MIA3: variants seen among roughly 807,000 people sequenced by gnomAD.
MIA3 encodes transport and Golgi organization protein 1 homolog.
MIA3 carries 90 observed loss-of-function variants against 192.4 expected under a neutral mutation model. The ratio of observed to expected loss-of-function variants is 0.47; its 90% CI spans 0.39 to 0.56. The LOEUF is 0.56. MIA3 is among the 20% of genes least tolerant of loss of function. MIA3 has a pLI of 0.00. For missense variants in MIA3, 2,123 were observed against 2,269.4 expected (o/e 0.94, Z 1.31); for synonymous variants, 740 against 792.8 (o/e 0.93, Z 1.12).
chr1:222,628,366 C>T lies in MIA3; in HGVS notation c.1146C>T (p.Thr382=). The change falls in exon 4 of 28, where the codon ACC becomes ACT. Residue 382 remains threonine (T), a synonymous_variant. Coordinates refer to ENST00000344922, the MANE Select transcript of MIA3 (RefSeq NM_198551.4). ...ATGATGATAAAAATATACTAACAAC[C>T]TGGGGGGACACTATCTTCTCTATTG... ...IKNDDKNILT[T]WGDTIFSIVT... is the part of the protein sequence containing the mutation. 2 of 1,613,892 alleles carry T rather than the reference C, an allele frequency of 1.2e-6. No homozygotes were observed. Among genetic ancestry groups the T allele is most frequent in the Non-Finnish European group, 1.7e-6 (2 of 1,179,950 alleles).
chr1:222,640,735 A>G (rs2124876001), intron 6 of MIA3, among the ~76,000 whole-genome samples: 1 of 152,354 alleles, frequency 6.6e-6, no homozygotes, highest in Admixed American at 6.5e-5. Context: ...AGTATGATTC[A>G]TAAAGGAGAA....
At chr1:222,649,559 A>C (rs1382061571) in intron 8 of MIA3, 1 of 152,570 alleles carries the variant, frequency 6.6e-6, no homozygotes, top group African/African-American at 2.4e-5. Flanking sequence ...TGAGCTCAGG[A>C]GTTCGAGACC....
Position 222,628,866 on chromosome 1 carries a change from T to C in MIA3, c.1646T>C (p.Ile549Thr). 6.2e-7 allele frequency: 1 copy of C among 1,614,052 alleles called. No individual in the cohort carries two copies. Among genetic ancestry groups the C allele is most frequent in the South Asian group, 1.1e-5 (1 of 91,074 alleles). Residue 549 changes from isoleucine to threonine, a missense_variant, in exon 4 of 28, where the codon ATT becomes ACT. Coordinates refer to ENST00000344922, the MANE Select transcript of MIA3 (RefSeq NM_198551.4). ...MLHEEKPGEQ[I>T]LEGGSESESA... Reference sequence around the variant, plus strand: ...CACGAAGAAAAGCCTGGAGAGCAGATTTTGGAAGGTGGCTCAGAGAGTGAA... The same window carrying C: ...CACGAAGAAAAGCCTGGAGAGCAGACTTTGGAAGGTGGCTCAGAGAGTGAA...
chr1:222,621,440 C>G, intron 2 of MIA3, 148 bp downstream of exon 2: 1 of 759,282 alleles, frequency 1.3e-6, no homozygotes, highest in Non-Finnish European at 2.1e-6. Flanking sequence ...CCCTGTGTCC[C>G]CAGCAGGCCT....
intron 1 of MIA3, among the ~76,000 whole-genome samples, chr1:222,619,054 C>G (rs1048972876): frequency 5.9e-5 from 9 of 152,200 alleles, no homozygotes; most frequent in Non-Finnish European, 1.3e-4. Flanking sequence ...CGGCAGCCTC[C>G]TCTTCTGTGC....
chr1:222,623,085 C>G (rs1245017531), intron 2 of MIA3, among the ~76,000 whole-genome samples: 1 of 152,138 alleles, frequency 6.6e-6, no homozygotes, highest in East Asian at 1.9e-4. Context: ...TCAGTATTTC[C>G]TGACGAGGCA....
At chr1:222,655,953 CTT>C (rs1329620410) in intron 18 of MIA3, among the ~76,000 whole-genome samples, 12 of 119,772 alleles carry the variant, frequency 1.0e-4, no homozygotes, top group Admixed American at 2.7e-4. Flanking sequence ...TATCTCCAGA[CTT>C]TCTTTCCCTT....
chr1:222,648,910 G>T, intron 8 of MIA3, 60 bp downstream of exon 8: 2 of 1,073,270 alleles, frequency 1.9e-6, no homozygotes, highest in South Asian at 1.5e-5. Flanking sequence ...GTTTGATATG[G>T]ATTTTATATA....
intron 6 of MIA3, among the ~76,000 whole-genome samples, chr1:222,636,613 A>G (rs2124866862): frequency 6.7e-6 from 1 of 150,164 alleles, no homozygotes; most frequent in East Asian, 2.0e-4. Flanking sequence ...CCCGGGTTCA[A>G]GCGATTCTCC....
Position 222,628,741 on chromosome 1 carries a change from G to GCCAGCTGC in MIA3, c.1522_1529dup (p.Glu511GlnfsTer10), listed in dbSNP as rs1558175335. 1 of 1,614,100 alleles carries GCCAGCTGC rather than the reference G, an allele frequency of 6.2e-7. No homozygotes were observed. Among genetic ancestry groups the GCCAGCTGC allele is most frequent in the East Asian group, 2.2e-5 (1 of 44,888 alleles). On this transcript the variant is annotated frameshift_variant, in exon 4 of 28. Coordinates refer to ENST00000344922, the MANE Select transcript of MIA3 (RefSeq NM_198551.4). LOFTEE classifies it high-confidence loss of function. Reference sequence around the variant, plus strand: ...TTCACAGCAATAACCTCAACTCTATGCCAGCTGCTGAAAAGGGTAAAGACA... The same window carrying GCCAGCTGC: ...TTCACAGCAATAACCTCAACTCTATGCCAGCTGCCCAGCTGCTGAAAAGGGTAAAGACA...
At chr1:222,647,928 A>G in intron 7 of MIA3, 1 of 385,658 alleles carries the variant, frequency 2.6e-6, no homozygotes, top group Non-Finnish European at 5.4e-6. Flanking sequence ...TATATTAATT[A>G]TTGTATACAG....
chr1:222,630,501 G>A (rs1329860057), intron 4 of MIA3, 112 bp downstream of exon 4: 9 of 1,095,036 alleles, frequency 8.2e-6, no homozygotes, highest in African/African-American at 1.6e-5. Flanking sequence ...CTAAAGGAGA[G>A]GGACAACACA....
At chr1:222,630,824 G>C (rs953613902) in intron 4 of MIA3, among the ~76,000 whole-genome samples, 3 of 152,112 alleles carry the variant, frequency 2.0e-5, no homozygotes, top group Admixed American at 2.0e-4. Context: ...TTTATCTTTT[G>C]TGGATGGCTT....
At position 222,630,473 on chromosome 1, in the gene MIA3, G is replaced by T. The variant is rs550491525; in HGVS notation, c.3169+84G>T. 149 of 1,403,116 alleles carry T rather than the reference G, an allele frequency of 1.1e-4. 1 individual carries two copies. In the African/African-American group the frequency reaches 1.9e-3, roughly 17 times the overall value. 86.9% of individuals were successfully genotyped at this position (1,403,116 alleles called of 1,614,324 possible). A position where few individuals can be genotyped will look rare whatever the true frequency, so the allele number is the denominator to read the frequency against. On this transcript the variant is annotated intron_variant, in intron 4 of 27. Coordinates refer to ENST00000344922, the MANE Select transcript of MIA3 (RefSeq NM_198551.4). Reference sequence around the variant, plus strand: ...GGTGCCTCCTATCTTGTGAAGCTCTGTTCAGTTTCCAATGTGCCTAAAGGA... The same window carrying T: ...GGTGCCTCCTATCTTGTGAAGCTCTTTTCAGTTTCCAATGTGCCTAAAGGA...
Position 222,629,162 on chromosome 1 carries a change from G to C in MIA3, c.1942G>C (p.Val648Leu). The change falls in exon 4 of 28, where the codon GTT becomes CTT. Residue 648 changes from valine to leucine, a missense_variant. Physicochemically the swap from Val to Leu is conservative, Grantham distance 32. Transcript: ENST00000344922. Reference sequence around the variant, plus strand: ...TTTGCCCAGAGAACTGGAAGACGAGGTTCCCATTCTGGGAAGAAATCTTCC... The same window carrying C: ...TTTGCCCAGAGAACTGGAAGACGAGCTTCCCATTCTGGGAAGAAATCTTCC... ...IDLPRELEDE[V>L]PILGRNLPWQ... 2 of 1,614,116 alleles carry C rather than the reference G, an allele frequency of 1.2e-6. No homozygotes were observed. The highest frequency in any genetic ancestry group is 1.7e-6 in the Non-Finnish European group (2 of 1,179,994).
intron 3 of MIA3, 95 bp from the exon 4 acceptor site, chr1:222,627,480 G>T: frequency 9.0e-7 from 1 of 1,115,624 alleles, no homozygotes; most frequent in Non-Finnish European, 1.3e-6. Context: ...AGAGCCAAAC[G>T]TGAATTCGAG....
chr1:222,621,865 G>C (rs1196863905), intron 2 of MIA3, among the ~76,000 whole-genome samples: 3 of 149,094 alleles, frequency 2.0e-5, no homozygotes, highest in Admixed American at 6.7e-5. Context: ...CTGGAGTGCC[G>C]TGGCGCGATC....
intron 7 of MIA3, 35 bp downstream of exon 7, chr1:222,645,720 T>G: frequency 6.3e-7 from 1 of 1,584,674 alleles, no homozygotes; most frequent in South Asian, 1.1e-5. Context: ...ACTCATAAAT[T>G]CAAGTATGGT....
intron 4 of MIA3, among the ~76,000 whole-genome samples, chr1:222,630,933 C>T (rs917989655): frequency 3.9e-5 from 6 of 152,080 alleles, no homozygotes; most frequent in African/African-American, 7.2e-5. Flanking sequence ...GGGATGCCTT[C>T]GAATGCAGTG....
Sources: allele counts gnomAD v4.1 joint callset (sites outside exome capture counted in the v4.1 genomes callset), GRCh38; gene constraint gnomAD v4.1.1; transcripts MANE v1.5; gene names NCBI Gene and HGNC (gene_info 2026-07-23, HGNC 2026-07-21).